Variants in PCSK5 observed in about 807,000 individuals in gnomAD.
PCSK5 encodes prohormone convertase 5.
In PCSK5, 129 loss-of-function variants were observed where a neutral mutation model predicts 233.2. The ratio of observed to expected loss-of-function variants is 0.55; its 90% CI spans 0.48 to 0.64. The LOEUF is 0.64. Among genes scored for constraint, PCSK5 ranks in the 30% least tolerant of loss-of-function variants. The pLI, the probability that PCSK5 is intolerant of heterozygous loss-of-function variation, is 0.00. For synonymous variants in PCSK5, 825 were observed against 879.2 expected, an observed-to-expected ratio of 0.94 and a Z score of 1.09; for missense variants, 2,076 against 2,430.1, an observed-to-expected ratio of 0.85 and a Z score of 3.06.
At chr9:76,235,291 C>CT (rs1269872460) in intron 22 of PCSK5, among the ~76,000 whole-genome samples, 3 of 144,220 alleles carry the variant, frequency 2.1e-5, no homozygotes, top group African/African-American at 5.1e-5. Context: ...TATGCCTCTT[C>CT]TTATTTGCAA....
At chr9:75,998,715 A>G (rs1484831867) in intron 3 of PCSK5, among the ~76,000 whole-genome samples, 1 of 152,184 alleles carries the variant, frequency 6.6e-6, no homozygotes, top group African/African-American at 2.4e-5. Context: ...AAAAGTCAGG[A>G]GACTAATATA....
chr9:75,956,239 G>A (rs920384273), intron 2 of PCSK5, among the ~76,000 whole-genome samples: 26 of 152,302 alleles, frequency 1.7e-4, no homozygotes, highest in Admixed American at 1.6e-3. Flanking sequence ...GCATGAGCAC[G>A]TACTCTGTCT....
At chr9:76,138,683 A>G (rs1047555181) in intron 10 of PCSK5, among the ~76,000 whole-genome samples, 2 of 151,912 alleles carry the variant, frequency 1.3e-5, no homozygotes, top group African/African-American at 4.8e-5. Context: ...CTTTTTTTCA[A>G]AGTGTTTATA....
intron 9 of PCSK5, among the ~76,000 whole-genome samples, chr9:76,127,541 T>C (rs1016516517): frequency 6.6e-6 from 1 of 152,228 alleles, no homozygotes; most frequent in African/African-American, 2.4e-5. Flanking sequence ...CTTAGTAGCA[T>C]TGTTGTTTCA....
intron 5 of PCSK5, among the ~76,000 whole-genome samples, chr9:76,034,810 C>T (rs912333665): frequency 1.5e-4 from 23 of 152,140 alleles, no homozygotes; most frequent in African/African-American, 5.5e-4. Flanking sequence ...CAGTTTAGTT[C>T]GGGATATAAA....
chr9:76,243,841 G>A (rs2131334342), intron 24 of PCSK5, among the ~76,000 whole-genome samples: 1 of 152,288 alleles, frequency 6.6e-6, no homozygotes, highest in South Asian at 2.1e-4. Context: ...AATGGCTTAG[G>A]ATACCCAGGG....
chr9:75,962,143 T>G (rs910568406), intron 2 of PCSK5, among the ~76,000 whole-genome samples: 2 of 152,016 alleles, frequency 1.3e-5, no homozygotes, highest in Non-Finnish European at 2.9e-5. Context: ...GGGGGCCACG[T>G]TGAGAGAGTG....
chr9:76,204,075 CTAA>C (rs1341365443), intron 20 of PCSK5, among the ~76,000 whole-genome samples: 1 of 152,180 alleles, frequency 6.6e-6, no homozygotes, highest in African/African-American at 2.4e-5. Flanking sequence ...ATGTTGGTTA[CTAA>C]TATTACTTAA....
chr9:76,135,397 C>G (rs1273809984), intron 10 of PCSK5, among the ~76,000 whole-genome samples: 1 of 151,998 alleles, frequency 6.6e-6, no homozygotes, highest in Non-Finnish European at 1.5e-5. Flanking sequence ...AATATCTTCA[C>G]AGAAAGCTTC....
chr9:76,072,367 A>T (rs1054951942), intron 7 of PCSK5, among the ~76,000 whole-genome samples: 2 of 152,208 alleles, frequency 1.3e-5, no homozygotes, highest in Non-Finnish European at 2.9e-5. Flanking sequence ...ACAACCAAGT[A>T]GCTTAATGCA....
At chr9:76,173,061 A>G (rs1823396427) in intron 13 of PCSK5, among the ~76,000 whole-genome samples, 1 of 152,202 alleles carries the variant, frequency 6.6e-6, no homozygotes, top group African/African-American at 2.4e-5. Context: ...ATGTTTTAAT[A>G]CCAATCTGTC....
chr9:76,206,512 G>C (rs1321183467), intron 20 of PCSK5, among the ~76,000 whole-genome samples: 1 of 152,190 alleles, frequency 6.6e-6, no homozygotes, highest in Non-Finnish European at 1.5e-5. Flanking sequence ...CCTTAACAGG[G>C]CTGCTATAGG....
intron 24 of PCSK5, among the ~76,000 whole-genome samples, chr9:76,278,009 T>A (rs1401756858): frequency 6.6e-6 from 1 of 152,214 alleles, no homozygotes; most frequent in Non-Finnish European, 1.5e-5. Context: ...TACTTAATTA[T>A]CTCTCAAAAC....
At chr9:76,332,367 G>A in intron 33 of PCSK5, 66 bp from the exon 34 acceptor site, 1 of 1,245,472 alleles carries the variant, frequency 8.0e-7, no homozygotes, top group Non-Finnish European at 1.2e-6. Context: ...GTACACAAGA[G>A]GGAAAATACA....
At chr9:75,964,063 T>C (rs368916450) in intron 2 of PCSK5, among the ~76,000 whole-genome samples, 1 of 152,320 alleles carries the variant, frequency 6.6e-6, no homozygotes, top group South Asian at 2.1e-4. Flanking sequence ...ACTGCTTCTT[T>C]TGTTGAGAGG....
chr9:76,282,147 T>TTTTTTTTTTTC (rs1827894461), intron 24 of PCSK5, among the ~76,000 whole-genome samples: 2 of 135,294 alleles, frequency 1.5e-5, no homozygotes, highest in Admixed American at 7.6e-5. Context: ...TTTTTTTTTT[T>TTTTTTTTTTTC]CGCTCTGTTG....
At chr9:76,239,232 C>G (rs981584777) in intron 23 of PCSK5, 67 bp downstream of exon 23, 8 of 1,332,022 alleles carry the variant, frequency 6.0e-6, no homozygotes, top group Non-Finnish European at 8.4e-6. Flanking sequence ...CCTGGATGTC[C>G]TGGAGACTTG....
chr9:76,038,488 T>C (rs1452566963), intron 5 of PCSK5, among the ~76,000 whole-genome samples: 2 of 152,192 alleles, frequency 1.3e-5, no homozygotes, highest in East Asian at 3.8e-4. Flanking sequence ...TTATTTTTCC[T>C]AAAGAATGAC....
intron 21 of PCSK5, 69 bp from the exon 22 acceptor site, chr9:76,233,391 A>G: frequency 6.7e-7 from 1 of 1,494,572 alleles, no homozygotes; most frequent in East Asian, 2.3e-5. Flanking sequence ...TGAATACCAC[A>G]TGTTCTGATA....
Sources: allele counts gnomAD v4.1 joint callset (sites outside exome capture counted in the v4.1 genomes callset), GRCh38; gene constraint gnomAD v4.1.1; transcripts MANE v1.5; gene names NCBI Gene and HGNC (gene_info 2026-07-23, HGNC 2026-07-21).